The following ARMC9 variants were observed in gnomAD, a reference collection of about 807,000 sequenced individuals.
ARMC9 encodes the protein armadillo repeat containing 9.
Under a neutral mutation model 107.0 loss-of-function variants are expected in ARMC9, and 94 were observed. The observed-to-expected ratio is 0.88, with a 90% CI of 0.74 to 1.04. ARMC9 has a LOEUF of 1.04. Ranked by LOEUF, ARMC9 falls within the 50% of genes least tolerant of loss-of-function variation. The pLI is 0.00. For synonymous variants in ARMC9, 380 were observed against 396.9 expected (o/e 0.96, Z 0.51); for missense variants, 942 against 1,030.1 (o/e 0.91, Z 1.17).
intron 7 of ARMC9, among the ~76,000 whole-genome samples, chr2:231,228,152 G>T (rs766792102): frequency 1.3e-5 from 2 of 152,226 alleles, no homozygotes; most frequent in Non-Finnish European, 2.9e-5. Flanking sequence ...AACACAGCTG[G>T]CATCTTCAAC....
intron 19 of ARMC9, 95 bp from the exon 20 acceptor site, chr2:231,331,698 T>C: frequency 9.0e-7 from 1 of 1,114,528 alleles, no homozygotes; most frequent in South Asian, 1.4e-5. Flanking sequence ...GGCCGAGGCC[T>C]TCTTGTTTCA....
intron 17 of ARMC9, among the ~76,000 whole-genome samples, chr2:231,285,086 T>C (rs2040489963): frequency 6.6e-6 from 1 of 151,858 alleles, no homozygotes; most frequent in Admixed American, 6.6e-5. Flanking sequence ...TAATTCCAGC[T>C]ACTCAGGAGG....
chr2:231,343,728 T>G (rs906510159), intron 20 of ARMC9, among the ~76,000 whole-genome samples: 7 of 152,180 alleles, frequency 4.6e-5, no homozygotes, highest in Admixed American at 3.3e-4. Context: ...ACCCTAATCA[T>G]GTTAAGGTTC....
chr2:231,246,815 G>A (rs2125385465), intron 9 of ARMC9, among the ~76,000 whole-genome samples: 1 of 152,102 alleles, frequency 6.6e-6, no homozygotes, highest in East Asian at 1.9e-4. Context: ...CACATACAGA[G>A]CTTTTTTTGT....
intron 8 of ARMC9, among the ~76,000 whole-genome samples, chr2:231,239,289 T>C (rs2036063058): frequency 6.6e-6 from 1 of 152,154 alleles, no homozygotes; most frequent in Non-Finnish European, 1.5e-5. Context: ...TGAATTCTCG[T>C]AGCTGGTGAG....
chr2:231,276,565 C>T lies in ARMC9; in HGVS notation c.1335-71C>T, dbSNP rs1405235966. The T allele has an allele frequency of 3.1e-6, 5 of 1,595,710 alleles. No homozygotes were observed. The African/African-American group carries it at 6.7e-5, about 21-fold the overall frequency. On this transcript the variant is annotated intron_variant, in intron 14 of 24. Coordinates refer to ENST00000611582, the MANE Select transcript of ARMC9 (RefSeq NM_001352754.2). ...GATTACAGGCATGAGCCACTGCTTC[C>T]AGCCTACTGTTTCCTCTTATATGAA...
At chr2:231,316,316 T>C (rs2042676172) in intron 19 of ARMC9, among the ~76,000 whole-genome samples, 1 of 152,050 alleles carries the variant, frequency 6.6e-6, no homozygotes, top group African/African-American at 2.4e-5. Context: ...TAATTGCTAC[T>C]TGATTTGGTC....
intron 21 of ARMC9, among the ~76,000 whole-genome samples, chr2:231,349,545 G>A (rs949314492): frequency 2.6e-4 from 40 of 152,136 alleles, no homozygotes; most frequent in African/African-American, 8.7e-4. Flanking sequence ...ACTTTGGGAG[G>A]CCGAGGCGGG....
chr2:231,346,131 G>A (rs938596699), intron 21 of ARMC9, among the ~76,000 whole-genome samples: 3 of 152,290 alleles, frequency 2.0e-5, no homozygotes, highest in Middle Eastern at 3.4e-3. Context: ...ATTTCTAGGT[G>A]TTTATTTTTA....
chr2:231,312,219 G>C (rs2125515508), intron 19 of ARMC9, among the ~76,000 whole-genome samples: 1 of 152,314 alleles, frequency 6.6e-6, no homozygotes, highest in East Asian at 1.9e-4. Flanking sequence ...GTTGGTGCAG[G>C]CTGCCAGTGC....
chr2:231,213,178 T>A (rs75465381), intron 3 of ARMC9, among the ~76,000 whole-genome samples: 1 of 151,894 alleles, frequency 6.6e-6, no homozygotes, highest in Admixed American at 6.6e-5. Flanking sequence ...TTTTTTTTTT[T>A]TCTGAGACAG....
At chr2:231,332,337 C>A (rs182707860) in intron 20 of ARMC9, among the ~76,000 whole-genome samples, 9 of 151,966 alleles carry the variant, frequency 5.9e-5, no homozygotes, top group Admixed American at 3.3e-4. Flanking sequence ...AGAGTGGGGG[C>A]TGAGCAAGGA....
chr2:231,338,130 G>A (rs752720419), intron 20 of ARMC9, among the ~76,000 whole-genome samples: 4 of 152,206 alleles, frequency 2.6e-5, no homozygotes, highest in Non-Finnish European at 5.9e-5. Flanking sequence ...GGCTTGGGAG[G>A]CGTCCTCTAA....
intron 19 of ARMC9, among the ~76,000 whole-genome samples, chr2:231,301,671 T>A (rs920784103): frequency 3.9e-5 from 6 of 152,216 alleles, no homozygotes; most frequent in African/African-American, 9.6e-5. Context: ...AAATCTTTTT[T>A]AAAATTTTTT....
At chr2:231,363,598 C>A (rs113103466) in intron 23 of ARMC9, among the ~76,000 whole-genome samples, 2,015 of 152,216 alleles carry the variant, frequency 0.013, 45 homozygotes, top group African/African-American at 0.046. Flanking sequence ...GAATAAAAGT[C>A]TAGACCTGCC....
At chr2:231,239,878 C>A in intron 8 of ARMC9, 65 bp from the exon 9 acceptor site, 2 of 1,367,906 alleles carry the variant, frequency 1.5e-6, no homozygotes, top group African/African-American at 1.4e-5. Context: ...CAATTGCCAG[C>A]GTGCCTCAGG....
At chr2:231,359,924 C>T (rs73994586) in intron 22 of ARMC9, among the ~76,000 whole-genome samples, 9,335 of 152,250 alleles carry the variant, frequency 0.061, 859 homozygotes, top group African/African-American at 0.2. Flanking sequence ...AAACAGATCA[C>T]ATTGCAAAGC....
chr2:231,276,597 C>G, intron 14 of ARMC9, 39 bp from the exon 15 acceptor site: 2 of 1,613,042 alleles, frequency 1.2e-6, no homozygotes, highest in Non-Finnish European at 1.7e-6. Flanking sequence ...TGAAAAGTTT[C>G]TTGGCAGTTT....
intron 24 of ARMC9, 106 bp from the exon 25 acceptor site, chr2:231,371,407 G>A: frequency 7.9e-7 from 1 of 1,266,434 alleles, no homozygotes; most frequent in Non-Finnish European, 1.0e-6. Flanking sequence ...GGAGAGGGAA[G>A]GTTCCCTCGC....
Sources: gnomAD v4.1 joint callset for allele counts (sites outside exome capture counted in the v4.1 genomes callset) on GRCh38, gnomAD v4.1.1 for gene constraint, MANE v1.5 for transcripts, NCBI Gene and HGNC (gene_info 2026-07-23, HGNC 2026-07-21) for gene names.